SLC35F5: variants seen among roughly 807,000 people sequenced by gnomAD.
The protein encoded by SLC35F5 is solute carrier family 35 member F5, also known as HCV NS5A-transactivated protein 3.
SLC35F5 carries 54 observed loss-of-function variants against 68.6 expected under a neutral mutation model. That is an observed-to-expected ratio of 0.79 (90% CI 0.63 to 0.99). The LOEUF (loss-of-function observed/expected upper bound fraction) is 0.99, where lower values mean the gene tolerates loss of function less well. Among genes scored for constraint, SLC35F5 ranks in the 50% least tolerant of loss-of-function variants. The pLI is 0.00. For synonymous variants in SLC35F5, 211 were observed against 205.2 expected (o/e 1.03, Z -0.24); for missense variants, 567 against 626.9 (o/e 0.90, Z 1.02).
intron 6 of SLC35F5, among the ~76,000 whole-genome samples, chr2:113,743,285 T>C (rs184396711): frequency 5.9e-5 from 9 of 152,282 alleles, no homozygotes; most frequent in Non-Finnish European, 7.4e-5. Flanking sequence ...CAATTCTCTA[T>C]AGGTCCATTC....
At chr2:113,735,331 T>C (rs905724211) in intron 8 of SLC35F5, among the ~76,000 whole-genome samples, 1 of 152,190 alleles carries the variant, frequency 6.6e-6, no homozygotes, top group African/African-American at 2.4e-5. Context: ...CGTTAGGCAA[T>C]GTCATCCTTG....
At chr2:113,736,678 T>A (rs1688109476) in intron 7 of SLC35F5, among the ~76,000 whole-genome samples, 1 of 152,196 alleles carries the variant, frequency 6.6e-6, no homozygotes, top group Admixed American at 6.5e-5. Context: ...ATGAAAATGA[T>A]AATTTATTGA....
intron 4 of SLC35F5, among the ~76,000 whole-genome samples, chr2:113,747,036 C>T (rs1049980942): frequency 6.6e-6 from 1 of 151,962 alleles, no homozygotes. Context: ...CCTGTAATCC[C>T]GGCAGTTTGG....
chr2:113,750,891 T>TC, intron 3 of SLC35F5, among the ~76,000 whole-genome samples: 1 of 152,262 alleles, frequency 6.6e-6, no homozygotes, highest in Middle Eastern at 3.4e-3. Flanking sequence ...AAGCCAATAA[T>TC]CCCAGCACGT....
chr2:113,721,779 G>A (rs1198590018), intron 13 of SLC35F5, among the ~76,000 whole-genome samples: 1 of 151,766 alleles, frequency 6.6e-6, no homozygotes, highest in African/African-American at 2.4e-5. Flanking sequence ...CAATGTTAGT[G>A]TTATATGGAA....
At chr2:113,705,849 A>C (rs1686786429), downstream of SLC35F5, among the ~76,000 whole-genome samples, 2 of 151,812 alleles carry the variant, frequency 1.3e-5, no homozygotes, top group African/African-American at 4.8e-5. Context: ...TTCATGTTTT[A>C]TATATGTTTG....
intron 4 of SLC35F5, among the ~76,000 whole-genome samples, chr2:113,747,897 G>A: frequency 6.6e-6 from 1 of 152,172 alleles, no homozygotes; most frequent in African/African-American, 2.4e-5. Context: ...TTCAAGACCA[G>A]CCTGACCAAC....
Position 113,729,515 on chromosome 2 carries a change from T to A in SLC35F5, c.986-10A>T. On this transcript the variant is annotated splice_polypyrimidine_tract_variant and intron_variant, in intron 10 of 15. Transcript: ENST00000245680. Reference sequence around the variant, plus strand: ...AGAGACCAAATGGAACCTGTAAAAATGGACATGATTTAAAGCAATCACTCA... The same window carrying A: ...AGAGACCAAATGGAACCTGTAAAAAAGGACATGATTTAAAGCAATCACTCA... The A allele has an allele frequency of 6.8e-7, 1 of 1,477,536 alleles. No homozygotes were observed. The highest frequency in any genetic ancestry group is 9.4e-7 in the Non-Finnish European group (1 of 1,066,998). The allele number at this position is 1,477,536 out of a possible 1,614,324, so 91.5% of individuals were successfully genotyped here. A position where few individuals can be genotyped will look rare whatever the true frequency, so the allele number is the denominator to read the frequency against.
In SLC35F5 at chr2:113,712,635, G is replaced by T. The variant is rs1559307877; in HGVS notation, c.*2583C>A. ...CGGCCCAAAAGCATTTACTGTTAAG[G>T]CTGCCTCATTTTTCAGCTTTGTTGT... On this transcript the variant is annotated 3_prime_UTR_variant, in exon 16 of 16. Coordinates refer to ENST00000245680, the MANE Select transcript of SLC35F5 (RefSeq NM_025181.5). Among the ~76,000 whole-genome samples, 1 of 152,172 alleles carries T rather than the reference G, an allele frequency of 6.6e-6. No individual in the cohort carries two copies. Among genetic ancestry groups the T allele is most frequent in the African/African-American group, 2.4e-5 (1 of 41,440 alleles).
In SLC35F5 at chr2:113,755,233, T is replaced by C. The variant is rs1676922964; in HGVS notation, c.205A>G (p.Met69Val). Residue 69 changes from methionine to valine, a missense_variant, in exon 3 of 16, where the codon ATG becomes GTG. By Grantham distance (21) the Met-to-Val change is conservative. Coordinates refer to ENST00000245680, the MANE Select transcript of SLC35F5 (RefSeq NM_025181.5). ...AGAAGAATAACAATCCCAAGAGCCA[T>C]TCGCCTGCGCTGAGTGAAACCACTG... The part of the protein sequence containing the change: ...QNSGFTQRRR[M>V]ALGIVILLLV... 6.2e-7 allele frequency: 1 copy of C among 1,613,952 alleles called. No individual in the cohort carries two copies. Among genetic ancestry groups the C allele is most frequent in the East Asian group, 2.2e-5 (1 of 44,878 alleles).
chr2:113,725,353 T>C, intron 12 of SLC35F5, 25 bp downstream of exon 12: 1 of 1,573,770 alleles, frequency 6.4e-7, no homozygotes, highest in Non-Finnish European at 8.6e-7. Flanking sequence ...CAACTGATAA[T>C]AATTGGAGAA....
intron 6 of SLC35F5, 71 bp downstream of exon 6, chr2:113,743,642 C>G: frequency 8.1e-7 from 1 of 1,229,028 alleles, no homozygotes; most frequent in South Asian, 1.3e-5. Flanking sequence ...TCAGTCAACC[C>G]ACATCATCAC....
chr2:113,717,966 C>T, intron 14 of SLC35F5, 116 bp from the exon 15 acceptor site: 1 of 599,508 alleles, frequency 1.7e-6, no homozygotes, highest in Non-Finnish European at 2.8e-6. Flanking sequence ...AGTGGCAGAA[C>T]CAACACTAGG....
At chr2:113,727,312 C>T (rs981244063) in intron 11 of SLC35F5, among the ~76,000 whole-genome samples, 1 of 152,036 alleles carries the variant, frequency 6.6e-6, no homozygotes, top group Non-Finnish European at 1.5e-5. Flanking sequence ...TTCTTTATAG[C>T]AGTGTGAAAA....
At position 113,753,639 on chromosome 2, in the gene SLC35F5, C is replaced by T. The variant is rs561246625; in HGVS notation, c.273+1526G>A. ...TCCAGTTTCATCAAAGTACAACTGACAAACACCAAATATATGTATTTTTTA... is the reference window on the plus strand; with the variant it reads ...TCCAGTTTCATCAAAGTACAACTGATAAACACCAAATATATGTATTTTTTA... On this transcript the variant is annotated intron_variant, in intron 3 of 15. Coordinates refer to ENST00000245680, the MANE Select transcript of SLC35F5 (RefSeq NM_025181.5). 1.2e-3 allele frequency among the ~76,000 whole-genome samples: 180 copies of T among 152,224 alleles called. 1 individual carries two copies. Among genetic ancestry groups the T allele is most frequent in the Non-Finnish European group, 2.1e-3 (140 of 68,010 alleles).
intron 4 of SLC35F5, among the ~76,000 whole-genome samples, chr2:113,749,250 C>T (rs1274596792): frequency 6.6e-6 from 1 of 152,218 alleles, no homozygotes; most frequent in Non-Finnish European, 1.5e-5. Context: ...GTCTGTAACC[C>T]CAGCACTTTG....
At chr2:113,740,847 A>G in intron 7 of SLC35F5, among the ~76,000 whole-genome samples, 1 of 151,972 alleles carries the variant, frequency 6.6e-6, no homozygotes, top group East Asian at 1.9e-4. Context: ...GGATGGTCTC[A>G]ATCTCTTCAC....
intron 9 of SLC35F5, among the ~76,000 whole-genome samples, chr2:113,733,659 A>G (rs2104442930): frequency 6.6e-6 from 1 of 152,340 alleles, no homozygotes; most frequent in South Asian, 2.1e-4. Flanking sequence ...AAAGAAAAAC[A>G]TTTAATATTA....
intron 3 of SLC35F5, among the ~76,000 whole-genome samples, chr2:113,754,030 G>A (rs893601363): frequency 1.3e-5 from 2 of 152,024 alleles, no homozygotes; most frequent in East Asian, 1.9e-4. Context: ...GGTGGCTCAC[G>A]TCTGTAATCC....
Sources: allele counts gnomAD v4.1 joint callset (sites outside exome capture counted in the v4.1 genomes callset), GRCh38; gene constraint gnomAD v4.1.1; transcripts MANE v1.5; gene names NCBI Gene and HGNC (gene_info 2026-07-23, HGNC 2026-07-21).